Variants in MAGI1 observed in about 807,000 individuals in gnomAD.
MAGI1 encodes membrane-associated guanylate kinase, WW and PDZ domain-containing protein 1.
Under a neutral mutation model 139.9 loss-of-function variants are expected in MAGI1, and 58 were observed. The ratio of observed to expected loss-of-function variants is 0.41; its 90% CI spans 0.34 to 0.52. MAGI1 has a LOEUF of 0.52. Among genes scored for constraint, MAGI1 ranks in the 20% least tolerant of loss-of-function variants. The pLI is 0.12. For missense variants in MAGI1, 1,874 were observed against 1,901.6 expected, an observed-to-expected ratio of 0.99 and a Z score of 0.27; for synonymous variants, 812 against 737.9, an observed-to-expected ratio of 1.10 and a Z score of -1.63.
At chr3:65,522,205 A>ATTCTTCACTGCAAGAC (rs2078194423) in intron 2 of MAGI1, among the ~76,000 whole-genome samples, 1 of 152,210 alleles carries the variant, frequency 6.6e-6, no homozygotes, top group South Asian at 2.1e-4. Context: ...ATTAAAAAGA[A>ATTCTTCACTGCAAGAC]TTCTTCACTG....
intron 1 of MAGI1, among the ~76,000 whole-genome samples, chr3:65,641,266 A>T (rs1487016109): frequency 6.6e-6 from 1 of 152,150 alleles, no homozygotes; most frequent in Non-Finnish European, 1.5e-5. Context: ...AGCCAGGCTT[A>T]CTCAGAGTGG....
chr3:65,665,833 A>G (rs1173025458), intron 1 of MAGI1, among the ~76,000 whole-genome samples: 2 of 152,206 alleles, frequency 1.3e-5, no homozygotes, highest in Admixed American at 1.3e-4. Flanking sequence ...ACCCATGTTT[A>G]TGAACCACTG....
At chr3:65,408,446 G>A (rs1178056026) in intron 12 of MAGI1, among the ~76,000 whole-genome samples, 1 of 152,148 alleles carries the variant, frequency 6.6e-6, no homozygotes, top group Non-Finnish European at 1.5e-5. Context: ...TATTTGTTGG[G>A]GGTAGTAGGT....
chr3:65,528,188 A>T (rs150581960), intron 2 of MAGI1, among the ~76,000 whole-genome samples: 1,687 of 152,306 alleles, frequency 0.011, 12 homozygotes, highest in Non-Finnish European at 0.018. Context: ...TAGACTGAAA[A>T]CTAACAGAAG....
At chr3:65,636,775 T>C (rs913750228) in intron 1 of MAGI1, among the ~76,000 whole-genome samples, 32 of 152,052 alleles carry the variant, frequency 2.1e-4, no homozygotes, top group African/African-American at 7.2e-4. Context: ...TCATTTAACA[T>C]ATCCAGAGAA....
At chr3:65,795,396 C>T (rs1015777733) in intron 1 of MAGI1, among the ~76,000 whole-genome samples, 10 of 152,228 alleles carry the variant, frequency 6.6e-5, no homozygotes, top group African/African-American at 1.2e-4. Context: ...ACCTGGATGA[C>T]GCCCTCAGGT....
At chr3:65,549,047 C>T (rs909719502) in intron 2 of MAGI1, among the ~76,000 whole-genome samples, 3 of 152,160 alleles carry the variant, frequency 2.0e-5, no homozygotes, top group Admixed American at 2.0e-4. Flanking sequence ...CCCGCGTCTC[C>T]TTGCACCTGC....
intron 1 of MAGI1, among the ~76,000 whole-genome samples, chr3:65,812,749 T>C (rs1324828988): frequency 7.2e-6 from 1 of 138,640 alleles, no homozygotes; most frequent in African/African-American, 2.8e-5. Flanking sequence ...TTGCTCTTGT[T>C]GCCCAGGCTG....
chr3:65,547,054 C>T (rs1404617959), intron 2 of MAGI1, among the ~76,000 whole-genome samples: 1 of 152,142 alleles, frequency 6.6e-6, no homozygotes, highest in Admixed American at 6.5e-5. Flanking sequence ...AATGCTGAAC[C>T]ACTGTTACAT....
chr3:65,744,684 GT>G (rs1373722926), intron 1 of MAGI1, among the ~76,000 whole-genome samples: 1 of 149,368 alleles, frequency 6.7e-6, no homozygotes, highest in African/African-American at 2.4e-5. Context: ...GTCAGGAAAT[GT>G]TTTTGTTTTC....
At chr3:65,593,446 T>A (rs1165588105) in intron 2 of MAGI1, among the ~76,000 whole-genome samples, 3 of 152,200 alleles carry the variant, frequency 2.0e-5, no homozygotes, top group Non-Finnish European at 4.4e-5. Flanking sequence ...GTATGAACTT[T>A]TCAGAACAAT....
chr3:65,409,625 C>A (rs1221963719), intron 12 of MAGI1, among the ~76,000 whole-genome samples: 1 of 136,794 alleles, frequency 7.3e-6, no homozygotes, highest in South Asian at 2.8e-4. Context: ...CCAGTTTGAA[C>A]ATGTTTCATT....
intron 1 of MAGI1, among the ~76,000 whole-genome samples, chr3:65,691,371 A>G (rs140512014): frequency 2.5e-4 from 38 of 152,128 alleles, no homozygotes; most frequent in Non-Finnish European, 3.8e-4. Flanking sequence ...AAGTCTGCAT[A>G]CCACAGCCCC....
chr3:65,651,764 C>T (rs2085597235), intron 1 of MAGI1, among the ~76,000 whole-genome samples: 1 of 152,066 alleles, frequency 6.6e-6, no homozygotes, highest in African/African-American at 2.4e-5. Flanking sequence ...TATTTGAAAG[C>T]AACAATGTGC....
At chr3:66,006,538 T>G (rs2067022174) in intron 1 of MAGI1, among the ~76,000 whole-genome samples, 1 of 152,116 alleles carries the variant, frequency 6.6e-6, no homozygotes, top group Admixed American at 6.6e-5. Context: ...TAAGACAAAC[T>G]AGAATGGTTT....
chr3:65,929,346 A>AT (rs11369311), intron 1 of MAGI1, among the ~76,000 whole-genome samples: 30,335 of 145,436 alleles, frequency 0.21, 3,082 homozygotes, highest in Admixed American at 0.24. Flanking sequence ...ATCAAGGATG[A>AT]TTTTTTTTTT....
chr3:65,634,728 T>A (rs9311948), intron 1 of MAGI1, among the ~76,000 whole-genome samples: 7,937 of 152,194 alleles, frequency 0.052, 675 homozygotes, highest in African/African-American at 0.18. Context: ...ATCTGGAATT[T>A]AAAAAAATAA....
At chr3:66,003,717 C>T (rs1159770986) in intron 1 of MAGI1, 1 of 152,236 alleles carries the variant, frequency 6.6e-6, no homozygotes, top group Non-Finnish European at 1.5e-5. Context: ...GATCCACTCA[C>T]CTCGGCCTCC....
intron 12 of MAGI1, 78 bp downstream of exon 12, chr3:65,429,442 G>T: frequency 7.4e-7 from 1 of 1,359,930 alleles, no homozygotes; most frequent in South Asian, 1.4e-5. Flanking sequence ...AGCCCCCAGT[G>T]GTCATCTGAA....
Sources: gnomAD v4.1 joint callset for allele counts (sites outside exome capture counted in the v4.1 genomes callset) on GRCh38, gnomAD v4.1.1 for gene constraint, MANE v1.5 for transcripts, NCBI Gene and HGNC (gene_info 2026-07-23, HGNC 2026-07-21) for gene names.